Variants in SCHIP1 observed in about 807,000 individuals in gnomAD.
SCHIP1 encodes schwannomin interacting protein 1.
SCHIP1 carries 8 observed loss-of-function variants against 29.7 expected under a neutral mutation model. The observed-to-expected ratio is 0.27, with a 90% CI of 0.16 to 0.49. SCHIP1 has a LOEUF of 0.49. Among genes scored for constraint, SCHIP1 ranks in the 20% least tolerant of loss-of-function variants. SCHIP1 has a pLI of 0.99. For missense variants in SCHIP1, 193 were observed against 294.6 expected, an observed-to-expected ratio of 0.66 and a Z score of 2.52; for synonymous variants, 76 against 94.9, an observed-to-expected ratio of 0.80 and a Z score of 1.16.
At chr3:159,475,646 T>C in the SCHIP1 span, among the ~76,000 whole-genome samples, 2 of 152,196 alleles carry the variant, frequency 1.3e-5, no homozygotes, top group Non-Finnish European at 2.9e-5. Context: ...TTTAGCTTCA[T>C]GCTGAAAACA....
At chr3:159,836,723 G>T (rs1258779649), upstream of SCHIP1, among the ~76,000 whole-genome samples, 1 of 150,146 alleles carries the variant, frequency 6.7e-6, no homozygotes, top group Admixed American at 6.6e-5. Flanking sequence ...GAAGATCTGA[G>T]AAGAAAAAAA....
chr3:159,611,579 T>A, the SCHIP1 span, among the ~76,000 whole-genome samples: 1 of 151,878 alleles, frequency 6.6e-6, no homozygotes, highest in African/African-American at 2.4e-5. Context: ...ACCTAATGTA[T>A]GCAGGGCTTA....
chr3:159,695,409 A>T, the SCHIP1 span, among the ~76,000 whole-genome samples: 1 of 152,184 alleles, frequency 6.6e-6, no homozygotes, highest in Non-Finnish European at 1.5e-5. Flanking sequence ...GTTAGCATGT[A>T]AATCGCCACT....
At chr3:159,311,631 T>C in the SCHIP1 span, among the ~76,000 whole-genome samples, 1 of 152,202 alleles carries the variant, frequency 6.6e-6, no homozygotes, top group Non-Finnish European at 1.5e-5. Flanking sequence ...AGAATTTCTG[T>C]ATTCTATGAG....
At chr3:159,601,963 C>T in the SCHIP1 span, among the ~76,000 whole-genome samples, 1 of 152,180 alleles carries the variant, frequency 6.6e-6, no homozygotes, top group Non-Finnish European at 1.5e-5. Flanking sequence ...GTGTACTCTG[C>T]CATACCCGTT....
the SCHIP1 span, chr3:159,375,788 G>A: frequency 1.1e-6 from 1 of 889,374 alleles, no homozygotes; most frequent in Non-Finnish European, 1.3e-6. Flanking sequence ...AACTAGGATG[G>A]GTTTTTGGAG....
chr3:159,797,820 A>G, the SCHIP1 span, among the ~76,000 whole-genome samples: 2 of 152,236 alleles, frequency 1.3e-5, no homozygotes, highest in Admixed American at 6.5e-5. Context: ...ACCTCATTCT[A>G]TGGAACAGAA....
At chr3:159,870,056 T>C (rs528377320) in intron 2 of SCHIP1, among the ~76,000 whole-genome samples, 6 of 152,140 alleles carry the variant, frequency 3.9e-5, no homozygotes, top group African/African-American at 1.4e-4. Context: ...CTTTGTATAC[T>C]AGTATTATAT....
the SCHIP1 span, among the ~76,000 whole-genome samples, chr3:159,308,962 A>G: frequency 6.6e-6 from 1 of 152,146 alleles, no homozygotes; most frequent in Non-Finnish European, 1.5e-5. Context: ...GGAGGTAAAC[A>G]TTGAACACAC....
chr3:159,541,054 C>T, the SCHIP1 span, among the ~76,000 whole-genome samples: 64 of 152,158 alleles, frequency 4.2e-4, no homozygotes, highest in Admixed American at 7.9e-4. Context: ...TAATAGGCTA[C>T]GGATGAACCA....
the SCHIP1 span, among the ~76,000 whole-genome samples, chr3:159,321,928 A>G: frequency 6.6e-6 from 1 of 152,140 alleles, no homozygotes; most frequent in East Asian, 1.9e-4. Flanking sequence ...TTTTGTTAGT[A>G]GGAATATATA....
the SCHIP1 span, chr3:159,273,606 A>G: frequency 3.5e-5 from 45 of 1,299,384 alleles, no homozygotes; most frequent in Non-Finnish European, 3.7e-5. Context: ...TTTTGCCAAT[A>G]CTTGAAGATT....
chr3:159,508,417 G>A, the SCHIP1 span, among the ~76,000 whole-genome samples: 1 of 152,106 alleles, frequency 6.6e-6, no homozygotes, highest in African/African-American at 2.4e-5. Context: ...CAAAAAACCA[G>A]CTCCTGGATT....
chr3:159,519,482 C>T, the SCHIP1 span, among the ~76,000 whole-genome samples: 4 of 152,054 alleles, frequency 2.6e-5, no homozygotes, highest in African/African-American at 9.6e-5. Flanking sequence ...TAAAAGATTC[C>T]AATGTAAGAA....
the SCHIP1 span, among the ~76,000 whole-genome samples, chr3:159,732,921 CT>C: frequency 1.3e-5 from 2 of 152,172 alleles, no homozygotes; most frequent in African/African-American, 4.8e-5. Flanking sequence ...AGCCTTAACC[CT>C]TTTTGCAGCC....
chr3:159,409,386 C>T, the SCHIP1 span, among the ~76,000 whole-genome samples: 1 of 151,972 alleles, frequency 6.6e-6, no homozygotes, highest in South Asian at 2.1e-4. Flanking sequence ...TTGTAAAAAT[C>T]TAAAGATTCC....
At position 159,842,997 on chromosome 3, in the gene SCHIP1, C is replaced by CTTT. The variant is rs1440922016; in HGVS notation, c.30+2784_30+2786dup. On this transcript the variant is annotated intron_variant, in intron 1 of 6. Transcript: ENST00000445224. The stretch of plus-strand genomic sequence containing the variant: ...GCTCTCCAGTTCTATCCCAATATTT[C>CTTT]TTTCTTTTTTTTTTTTTTTTTTTTT... Among the ~76,000 whole-genome samples the CTTT allele has an allele frequency of 5.6e-3, 347 of 61,692 alleles. 58 individuals carry two copies. Among genetic ancestry groups the CTTT allele is most frequent in the South Asian group, 0.012 (15 of 1,288 alleles). 40.5% of individuals were successfully genotyped at this position (61,692 alleles called of 152,430 possible).
chr3:159,802,691 G>C, the SCHIP1 span, among the ~76,000 whole-genome samples: 2 of 152,176 alleles, frequency 1.3e-5, no homozygotes, highest in Non-Finnish European at 2.9e-5. Context: ...TAAGTGGCTT[G>C]TCGTGATGAT....
At chr3:159,787,679 C>A in the SCHIP1 span, among the ~76,000 whole-genome samples, 1 of 152,268 alleles carries the variant, frequency 6.6e-6, no homozygotes, top group African/African-American at 2.4e-5. Flanking sequence ...AGCAAATTGC[C>A]AGGTAAATGG....
Sources: gnomAD v4.1 joint callset for allele counts (sites outside exome capture counted in the v4.1 genomes callset) on GRCh38, gnomAD v4.1.1 for gene constraint, MANE v1.5 for transcripts, NCBI Gene and HGNC (gene_info 2026-07-23, HGNC 2026-07-21) for gene names.